The following EPHA3 variants were observed in gnomAD, a reference collection of about 807,000 sequenced individuals.
The protein encoded by EPHA3 is EPH receptor A3.
A neutral mutation model predicts 107.1 loss-of-function variants in EPHA3; 42 were observed. The ratio of observed to expected loss-of-function variants is 0.39; its 90% CI spans 0.31 to 0.51. The LOEUF is 0.51. EPHA3 is among the 20% of genes least tolerant of loss of function. The pLI, the probability that EPHA3 is intolerant of heterozygous loss-of-function variation, is 0.78. For synonymous variants in EPHA3, 461 were observed against 424.8 expected (o/e 1.09, Z -1.05); for missense variants, 1,183 against 1,211.2 (o/e 0.98, Z 0.35).
intron 1 of EPHA3, among the ~76,000 whole-genome samples, chr3:89,111,763 A>G (rs949825889): frequency 3.3e-5 from 5 of 152,102 alleles, no homozygotes; most frequent in African/African-American, 1.2e-4. Flanking sequence ...ATATCTTTGT[A>G]AAGACTAGTA....
chr3:89,476,608 TATTTATTTA>T (rs1386254400), intron 16 of EPHA3, among the ~76,000 whole-genome samples: 3 of 145,444 alleles, frequency 2.1e-5, no homozygotes, highest in Non-Finnish European at 4.5e-5. Flanking sequence ...TTTATTTATT[TATTTATTTA>T]ATTTTTTTGA....
intron 2 of EPHA3, among the ~76,000 whole-genome samples, chr3:89,143,814 A>T (rs1280838457): frequency 6.6e-6 from 1 of 151,632 alleles, no homozygotes; most frequent in Non-Finnish European, 1.5e-5. Flanking sequence ...CCAGGGTATC[A>T]CATTGCATTT....
At chr3:89,115,735 T>A (rs1707239499) in intron 1 of EPHA3, among the ~76,000 whole-genome samples, 1 of 152,168 alleles carries the variant, frequency 6.6e-6, no homozygotes, top group African/African-American at 2.4e-5. Context: ...TAACATAATG[T>A]TTCCCATTGT....
At chr3:89,192,322 T>C (rs1289270185) in intron 2 of EPHA3, among the ~76,000 whole-genome samples, 1 of 152,140 alleles carries the variant, frequency 6.6e-6, no homozygotes. Flanking sequence ...ACTGCTGATA[T>C]TGAAAATGAT....
In EPHA3 at chr3:89,253,821, G is replaced by A. The variant is rs1464086691; in HGVS notation, c.814+43301G>A. On this transcript the variant is annotated intron_variant, in intron 3 of 16. Transcript: ENST00000336596. The stretch of plus-strand genomic sequence containing the variant: ...TTATATGAAATAGAAAAAATAAGAG[G>A]AGTTTTTTTTTTAAGTAGCAAAAGC... Among the ~76,000 whole-genome samples the A allele has an allele frequency of 2.8e-5, 3 of 107,494 alleles. No individual in the cohort carries two copies. In the East Asian group the frequency reaches 6.6e-4, roughly 23 times the overall value. 70.5% of individuals were successfully genotyped at this position (107,494 alleles called of 152,430 possible).
intron 3 of EPHA3, among the ~76,000 whole-genome samples, chr3:89,246,714 T>C (rs1032002827): frequency 2.6e-5 from 4 of 152,238 alleles, no homozygotes; most frequent in Non-Finnish European, 5.9e-5. Context: ...TAGAAATATG[T>C]ATAATAGCTA....
chr3:89,340,939 G>C lies in EPHA3; in HGVS notation c.838G>C (p.Ala280Pro). The change falls in exon 4 of 17, where the codon GCA becomes CCA. Residue 280 changes from alanine (A) to proline (P), a missense_variant. Ala to Pro is a conservative substitution (Grantham distance 27). Transcript: ENST00000336596. ...CQACRPGFYK[A>P]LDGNMKCAKC... The stretch of plus-strand genomic sequence containing the variant: ...AGCTTGTCGACCAGGTTTCTACAAG[G>C]CATTGGATGGTAATATGAAGTGTGC... The C allele has an allele frequency of 6.2e-7, 1 of 1,612,872 alleles. No homozygotes were observed.
intron 2 of EPHA3, among the ~76,000 whole-genome samples, chr3:89,164,126 A>G (rs971033754): frequency 2.0e-5 from 3 of 152,180 alleles, no homozygotes; most frequent in African/African-American, 7.2e-5. Flanking sequence ...AGACTAATTG[A>G]TTTAGCAGCG....
chr3:89,381,526 C>T (rs572719159), intron 5 of EPHA3, among the ~76,000 whole-genome samples: 2 of 151,824 alleles, frequency 1.3e-5, no homozygotes, highest in South Asian at 2.1e-4. Context: ...AAAATTAGCC[C>T]GGCATGGTGG....
intron 3 of EPHA3, among the ~76,000 whole-genome samples, chr3:89,253,798 A>C (rs1029316626): frequency 2.0e-5 from 3 of 146,830 alleles, no homozygotes; most frequent in Admixed American, 2.0e-4. Context: ...TGGTTAGTTT[A>C]TATGAAATAG....
intron 3 of EPHA3, among the ~76,000 whole-genome samples, chr3:89,278,476 T>C (rs1226019667): frequency 1.3e-5 from 2 of 152,176 alleles, no homozygotes; most frequent in Admixed American, 1.3e-4. Flanking sequence ...CTGCCGTTGC[T>C]AAACAATCCA....
At chr3:89,369,090 A>G (rs547949689) in intron 5 of EPHA3, among the ~76,000 whole-genome samples, 3 of 150,546 alleles carry the variant, frequency 2.0e-5, no homozygotes, top group East Asian at 2.0e-4. Flanking sequence ...GGGAAGAAGA[A>G]TATGAATTAG....
chr3:89,401,477 A>C (rs1422816594), intron 7 of EPHA3, among the ~76,000 whole-genome samples: 1 of 152,238 alleles, frequency 6.6e-6, no homozygotes, highest in African/African-American at 2.4e-5. Context: ...AAAACAAATT[A>C]AAAACTTTAG....
intron 3 of EPHA3, among the ~76,000 whole-genome samples, chr3:89,285,293 C>A (rs62274987): frequency 0.51 from 77,449 of 151,902 alleles, 21,088 homozygotes; most frequent in African/African-American, 0.7. Context: ...CCTGGTTTAC[C>A]TTCATTTACT....
At chr3:89,407,465 ATAT>A in intron 8 of EPHA3, 94 bp downstream of exon 8, 2 of 966,458 alleles carry the variant, frequency 2.1e-6, no homozygotes, top group Non-Finnish European at 3.2e-6. Flanking sequence ...GCTCAATAAA[ATAT>A]TTTAACAAAT....
intron 16 of EPHA3, 113 bp downstream of exon 16, chr3:89,472,732 T>C: frequency 8.1e-7 from 1 of 1,230,496 alleles, no homozygotes; most frequent in African/African-American, 1.5e-5. Context: ...TAGTGGTAGA[T>C]CTGAGGTACT....
chr3:89,363,671 G>GGT lies in EPHA3; in HGVS notation c.1306+21589_1306+21590dup, dbSNP rs535653947. ...TATAAATTTAACCATCATAGTCAGT[G>GGT]GTGTGTGTGCGTGTGTGTGTGTGTG... On this transcript the variant is annotated intron_variant, in intron 5 of 16. Coordinates refer to ENST00000336596, the MANE Select transcript of EPHA3 (RefSeq NM_005233.6). 4.7e-4 allele frequency among the ~76,000 whole-genome samples: 71 copies of GGT among 149,832 alleles called. 2 individuals are homozygous for GGT. Among genetic ancestry groups the GGT allele is most frequent in the Non-Finnish European group, 7.2e-4 (48 of 67,132 alleles).
In EPHA3 at chr3:89,450,303, G is replaced by T; in HGVS notation, c.2623G>T (p.Val875Phe). The T allele has an allele frequency of 6.2e-7, 1 of 1,614,002 alleles. No individual in the cohort carries two copies. The highest frequency in any genetic ancestry group is 8.5e-7 in the Non-Finnish European group (1 of 1,179,950). The part of the protein sequence containing the change: ...RNNRPKFEQI[V>F]SILDKLIRNP... The stretch of plus-strand genomic sequence containing the variant: ...CAACAGACCCAAGTTTGAGCAGATT[G>T]TTAGTATTCTGGACAAGCTTATCCG... The change falls in exon 15 of 17, where the codon GTT becomes TTT. Residue 875 changes from valine to phenylalanine, a missense_variant. Coordinates refer to ENST00000336596, the MANE Select transcript of EPHA3 (RefSeq NM_005233.6).
intron 5 of EPHA3, among the ~76,000 whole-genome samples, chr3:89,389,979 G>T (rs536258993): frequency 6.6e-6 from 1 of 152,034 alleles, no homozygotes; most frequent in Non-Finnish European, 1.5e-5. Context: ...CTCGGCTGAG[G>T]TTCAATTATT....
Sources: gnomAD v4.1 joint callset for allele counts (sites outside exome capture counted in the v4.1 genomes callset) on GRCh38, gnomAD v4.1.1 for gene constraint, MANE v1.5 for transcripts, NCBI Gene and HGNC (gene_info 2026-07-23, HGNC 2026-07-21) for gene names.